The following KIRREL3 variants were observed in gnomAD, a reference collection of about 807,000 sequenced individuals.
The protein encoded by KIRREL3 is kirre like nephrin family adhesion molecule 3.
Under a neutral mutation model 89.7 loss-of-function variants are expected in KIRREL3, and 36 were observed. The ratio of observed to expected loss-of-function variants is 0.40; its 90% CI spans 0.31 to 0.53. KIRREL3 has a LOEUF of 0.53. Ranked by LOEUF, KIRREL3 falls within the 20% of genes least tolerant of loss-of-function variation. The pLI is 0.49. For missense variants in KIRREL3, 864 were observed against 1,056.6 expected (o/e 0.82, Z 2.53); for synonymous variants, 445 against 441.4 (o/e 1.01, Z -0.10).
Position 126,656,350 on chromosome 11 carries a change from C to T in KIRREL3, c.56-93438G>A, listed in dbSNP as rs1201806547. On this transcript the variant is annotated intron_variant, in intron 1 of 16. Coordinates refer to ENST00000525144, the MANE Select transcript of KIRREL3 (RefSeq NM_032531.4). The surrounding 1 kb of genome is among the most constrained non-coding windows in gnomAD (Gnocchi z 4.0). ...ATAATATGTTGAAAACTCTTAGCAC[C>T]CAATAAGCCTTCAAAATTATAATTG... 6.6e-6 allele frequency among the ~76,000 whole-genome samples: 1 copy of T among 152,084 alleles called. No homozygotes were observed. Among genetic ancestry groups the T allele is most frequent in the African/African-American group, 2.4e-5 (1 of 41,394 alleles).
chr11:126,921,447 CTTCCTAT>C (rs1354992580), intron 1 of KIRREL3, among the ~76,000 whole-genome samples: 10 of 150,244 alleles, frequency 6.7e-5, no homozygotes, highest in South Asian at 4.3e-4. Context: ...ATCTATCTAT[CTTCCTAT>C]CTATCTACCT....
Position 126,477,331 on chromosome 11 carries a change from G to C in KIRREL3, c.434-3865C>G, listed in dbSNP as rs1591605243. 1.3e-5 allele frequency among the ~76,000 whole-genome samples: 2 copies of C among 152,198 alleles called. No individual in the cohort carries two copies. Among genetic ancestry groups the C allele is most frequent in the African/African-American group, 2.4e-5 (1 of 41,448 alleles). ...GCTCTGCAGACTTTGCCTTGTTTGGGTGGGCGGTGGGGGTACCCGTCCCTT... is the reference window on the plus strand; with the variant it reads ...GCTCTGCAGACTTTGCCTTGTTTGGCTGGGCGGTGGGGGTACCCGTCCCTT... On this transcript the variant is annotated intron_variant, in intron 4 of 16. Transcript: ENST00000525144. This position sits in a 1 kb window ranked among gnomAD's most constrained non-coding sequence, Gnocchi z 4.8.
Position 126,495,780 on chromosome 11 carries a change from T to A in KIRREL3, c.434-22314A>T, listed in dbSNP as rs1200239080. On this transcript the variant is annotated intron_variant, in intron 4 of 16. Transcript: ENST00000525144. This position sits in a 1 kb window ranked among gnomAD's most constrained non-coding sequence, Gnocchi z 6.5. ...CCGCTCTCCTTGTAAAAGGCAGTGC[T>A]GTGCAGCAGCCTGAGGATCAGGACA... is the stretch of plus-strand genomic sequence containing the variant. Among the ~76,000 whole-genome samples the A allele has an allele frequency of 1.3e-5, 2 of 152,220 alleles. No homozygotes were observed. Among genetic ancestry groups the A allele is most frequent in the African/African-American group, 4.8e-5 (2 of 41,462 alleles).
In KIRREL3 at chr11:126,471,322, A is replaced by T. The variant is rs1956884666; in HGVS notation, c.591+1987T>A. ...GAGGTGGAGGTTGCGGTGAGCTGAG[A>T]TCACGCCATTGCACTCCAGTCTGGG... is the stretch of plus-strand genomic sequence containing the variant. On this transcript the variant is annotated intron_variant, in intron 5 of 16. Transcript: ENST00000525144. This position sits in a 1 kb window ranked among gnomAD's most constrained non-coding sequence, Gnocchi z 5.4. Among the ~76,000 whole-genome samples the T allele has an allele frequency of 6.6e-6, 1 of 152,160 alleles. No individual in the cohort carries two copies. Among genetic ancestry groups the T allele is most frequent in the African/African-American group, 2.4e-5 (1 of 41,438 alleles).
chr11:126,960,833 C>G (rs1217148088), intron 1 of KIRREL3, among the ~76,000 whole-genome samples: 1 of 152,080 alleles, frequency 6.6e-6, no homozygotes. Context: ...TTGTGGCAAC[C>G]CTCTGTCCAG....
intron 11 of KIRREL3, among the ~76,000 whole-genome samples, chr11:126,438,704 A>C (rs1955451364): frequency 6.6e-6 from 1 of 152,280 alleles, no homozygotes; most frequent in East Asian, 1.9e-4. Context: ...GGGGAGGCGT[A>C]GGTATTAGTT....
At chr11:126,760,894 T>A (rs1443496169) in intron 1 of KIRREL3, among the ~76,000 whole-genome samples, 2 of 152,230 alleles carry the variant, frequency 1.3e-5, no homozygotes, top group Non-Finnish European at 2.9e-5. Context: ...GCTGGAAAGT[T>A]GCAATGCACA....
rs1949935539 is a variant in KIRREL3, at chr11:126,768,996, C to T, written c.56-206084G>A. Among the ~76,000 whole-genome samples, 1 of 152,134 alleles carries T rather than the reference C, an allele frequency of 6.6e-6. No homozygotes were observed. Among genetic ancestry groups the T allele is most frequent in the South Asian group, 2.1e-4 (1 of 4,820 alleles). On this transcript the variant is annotated intron_variant, in intron 1 of 16. Coordinates refer to ENST00000525144, the MANE Select transcript of KIRREL3 (RefSeq NM_032531.4). The surrounding 1 kb of genome is among the most constrained non-coding windows in gnomAD (Gnocchi z 4.5). The stretch of plus-strand genomic sequence containing the variant: ...TTACATGATCACGACTTGCAGTTTC[C>T]CAAATACACATTTCCGCAGCACATT...
chr11:126,451,415 TGCATGTGTGA>T (rs1202114365), intron 7 of KIRREL3, among the ~76,000 whole-genome samples: 4 of 149,620 alleles, frequency 2.7e-5, no homozygotes, highest in Non-Finnish European at 5.9e-5. Flanking sequence ...TGCATGTGTG[TGCATGTGTGA>T]GCGTGTGCAT....
In KIRREL3 at chr11:126,991,323, ATTACCCCTCATTCCATTCCAATAT is replaced by A. The variant is rs1386622668; in HGVS notation, c.55+9108_55+9131del. Among the ~76,000 whole-genome samples the A allele has an allele frequency of 6.6e-6, 1 of 151,974 alleles. No homozygotes were observed. The highest frequency in any genetic ancestry group is 1.5e-5 in the Non-Finnish European group (1 of 67,998). Reference sequence around the variant, plus strand: ...ACAAGCACTGCTGGCTTCTCCTCTCATTACCCCTCATTCCATTCCAATATTTCCACACTTATTCACAGCCTTCTA... The same window carrying A: ...ACAAGCACTGCTGGCTTCTCCTCTCATTCCACACTTATTCACAGCCTTCTA... On this transcript the variant is annotated intron_variant, in intron 1 of 16. Coordinates refer to ENST00000525144, the MANE Select transcript of KIRREL3 (RefSeq NM_032531.4). The surrounding 1 kb of genome is among the most constrained non-coding windows in gnomAD (Gnocchi z 5.8).
At position 126,611,952 on chromosome 11, in the gene KIRREL3, G is replaced by A. The variant is rs1943148778; in HGVS notation, c.56-49040C>T. Among the ~76,000 whole-genome samples, 1 of 152,202 alleles carries A rather than the reference G, an allele frequency of 6.6e-6. No individual in the cohort carries two copies. Among genetic ancestry groups the A allele is most frequent in the South Asian group, 2.1e-4 (1 of 4,828 alleles). On this transcript the variant is annotated intron_variant, in intron 1 of 16. Coordinates refer to ENST00000525144, the MANE Select transcript of KIRREL3 (RefSeq NM_032531.4). This position sits in a 1 kb window ranked among gnomAD's most constrained non-coding sequence, Gnocchi z 4.7. ...CGTGGATCTTCAGTTCCTTCAACAT[G>A]TGTGCTTGTTGCCCCTTGGAGCCCA...
intron 1 of KIRREL3, among the ~76,000 whole-genome samples, chr11:126,716,368 T>A (rs1414299449): frequency 6.6e-6 from 1 of 152,098 alleles, no homozygotes; most frequent in Non-Finnish European, 1.5e-5. Flanking sequence ...ACCACCTTGG[T>A]GTTATCTCCC....
At chr11:127,001,986 C>T (rs368734444), upstream of KIRREL3, among the ~76,000 whole-genome samples, 32 of 152,200 alleles carry the variant, frequency 2.1e-4, no homozygotes, top group African/African-American at 7.5e-4. Context: ...TCATTACTGT[C>T]TTCAGTCCCT....
chr11:126,975,830 G>A (rs1949549030), intron 1 of KIRREL3, among the ~76,000 whole-genome samples: 1 of 151,920 alleles, frequency 6.6e-6, no homozygotes, highest in South Asian at 2.1e-4. Flanking sequence ...ATAATGCTAA[G>A]TTCGCTAAGT....
chr11:126,917,490 A>T lies in KIRREL3; in HGVS notation c.55+82965T>A, dbSNP rs553024153. On this transcript the variant is annotated intron_variant, in intron 1 of 16. Coordinates refer to ENST00000525144, the MANE Select transcript of KIRREL3 (RefSeq NM_032531.4). The surrounding 1 kb of genome is among the most constrained non-coding windows in gnomAD (Gnocchi z 5.0). ...TATATTTTACCACAATAAAAAAATTAAAAAAAAACAAGGAAAAACCTGCAA... is the reference window on the plus strand; with the variant it reads ...TATATTTTACCACAATAAAAAAATTTAAAAAAAACAAGGAAAAACCTGCAA... Among the ~76,000 whole-genome samples the T allele has an allele frequency of 5.3e-4, 63 of 119,534 alleles. 1 individual carries two copies. The highest frequency in any genetic ancestry group is 3.5e-3 in the South Asian group (15 of 4,272). 78.4% of individuals were successfully genotyped at this position (119,534 alleles called of 152,430 possible).
At chr11:126,506,925 A>C (rs929502222) in intron 4 of KIRREL3, among the ~76,000 whole-genome samples, 2 of 152,164 alleles carry the variant, frequency 1.3e-5, no homozygotes, top group African/African-American at 4.8e-5. Context: ...ACACCTGGCC[A>C]GCAGCATTCT....
chr11:126,730,651 C>A (rs897622666), intron 1 of KIRREL3, among the ~76,000 whole-genome samples: 41 of 152,218 alleles, frequency 2.7e-4, no homozygotes, highest in Admixed American at 1.3e-4. Flanking sequence ...CGATACAATG[C>A]ACCAGGCGGC....
At chr11:126,920,610 TA>T (rs2134970126) in intron 1 of KIRREL3, 1 of 152,364 alleles carries the variant, frequency 6.6e-6, no homozygotes, top group East Asian at 1.9e-4. Flanking sequence ...CTTACTTGGC[TA>T]TTCCTCAGGA....
intron 1 of KIRREL3, among the ~76,000 whole-genome samples, chr11:126,915,393 A>T (rs1946997795): frequency 6.6e-6 from 1 of 152,230 alleles, no homozygotes; most frequent in Middle Eastern, 3.4e-3. Context: ...CTTGTAAATA[A>T]TGGTGGCTAA....
Sources: gnomAD v4.1 joint callset for allele counts (sites outside exome capture counted in the v4.1 genomes callset) on GRCh38, gnomAD v4.1.1 for gene constraint, Gnocchi (gnomAD v3.1) non-coding constraint, MANE v1.5 for transcripts, NCBI Gene and HGNC (gene_info 2026-07-23, HGNC 2026-07-21) for gene names.